PRPF19: variants seen among roughly 807,000 people sequenced by gnomAD.
PRPF19 encodes pre-mRNA-processing factor 19.
PRPF19 carries 2 observed loss-of-function variants against 64.2 expected under a neutral mutation model. The observed-to-expected ratio is 0.03, with a 90% confidence interval of 0.01 to 0.10. The LOEUF (loss-of-function observed/expected upper bound fraction) is 0.10. Ranked by LOEUF, PRPF19 falls within the 10% of genes least tolerant of loss-of-function variation. The probability of loss-of-function intolerance (pLI) is 1.00; values close to 1 mark genes in which losing one functional copy is unlikely to be tolerated. For synonymous variants in PRPF19, 226 were observed against 251.6 expected (o/e 0.90, Z 0.96); for missense variants, 314 against 650.0 (o/e 0.48, Z 5.62).
intron 1 of PRPF19, among the ~76,000 whole-genome samples, chr11:60,904,777 T>G: frequency 6.6e-6 from 1 of 152,236 alleles, no homozygotes. Context: ...CTTTGAATCC[T>G]GTCCTTTTGT....
In PRPF19 at chr11:60,902,602, C is replaced by T. The variant is rs1314123116; in HGVS notation, c.443G>A (p.Ser148Asn). 1.9e-6 allele frequency: 3 copies of T among 1,614,078 alleles called. No homozygotes were observed. The Admixed American group carries it at 5.0e-5, about 27-fold the overall frequency. Residue 148 changes from serine (S) to asparagine (N), a missense_variant, in exon 5 of 16, where the codon AGT (serine) becomes AAT (asparagine). Transcript: ENST00000227524. The surrounding 1 kb of genome is among the most constrained non-coding windows in gnomAD (Gnocchi z 5.0). ...ACTTACCACAACACTTGGTTGGGAACTTGGCACAGCCTGGGGCACAATGAG... is the reference window on the plus strand; with the variant it reads ...ACTTACCACAACACTTGGTTGGGAATTTGGCACAGCCTGGGGCACAATGAG... ...AGLIVPQAVP[S>N]SQPSVVGAGE...
intron 15 of PRPF19, among the ~76,000 whole-genome samples, chr11:60,896,992 AG>A (rs1855929358): frequency 6.6e-6 from 1 of 152,236 alleles, no homozygotes; most frequent in Admixed American, 6.5e-5. Flanking sequence ...TTATTACTGA[AG>A]AAAAAGTTTT....
In PRPF19 at chr11:60,890,692, T is replaced by C. The variant is rs1437094686; in HGVS notation, c.*474A>G. On this transcript the variant is annotated 3_prime_UTR_variant, in exon 16 of 16. Coordinates refer to ENST00000227524, the MANE Select transcript of PRPF19 (RefSeq NM_014502.5). ...TCCCCTTGACCTTCCCAGTCCCAGG[T>C]GCTCCTGGTGCAGACAGACACGGGG... is the stretch of plus-strand genomic sequence containing the variant. 3 of 454,062 alleles carry C rather than the reference T, an allele frequency of 6.6e-6. No homozygotes were observed. Among genetic ancestry groups the C allele is most frequent in the African/African-American group, 2.0e-5 (1 of 49,796 alleles). The allele number at this position is 454,062 out of a possible 1,614,324, so 28.1% of individuals were successfully genotyped here. A position where few individuals can be genotyped will look rare whatever the true frequency, so the allele number is the denominator to read the frequency against.
chr11:60,897,714 G>T (rs1010021296), intron 15 of PRPF19, 132 bp downstream of exon 15: 12 of 713,930 alleles, frequency 1.7e-5, no homozygotes, highest in Non-Finnish European at 2.8e-5. Flanking sequence ...TAGTCATAAA[G>T]CTCTGCCTCA....
rs763637165 is a variant in PRPF19, at chr11:60,906,402, G to A, written c.-20C>T. Reference sequence around the variant, plus strand: ...GGACATGGCGCCGTCACCGTGCTCCGAGGCGCCACACGCCGGGCTCCGGGA... The same window carrying A: ...GGACATGGCGCCGTCACCGTGCTCCAAGGCGCCACACGCCGGGCTCCGGGA... On this transcript the variant is annotated 5_prime_UTR_variant, in exon 1 of 16. Transcript: ENST00000227524. The A allele has an allele frequency of 1.1e-5, 17 of 1,569,622 alleles. No homozygotes were observed. Among genetic ancestry groups the A allele is most frequent in the Non-Finnish European group, 1.4e-5 (16 of 1,160,408 alleles).
chr11:60,900,567 A>T lies in PRPF19; in HGVS notation c.828+15T>A. 1.3e-6 allele frequency: 2 copies of T among 1,527,170 alleles called. No individual in the cohort carries two copies. Among genetic ancestry groups the T allele is most frequent in the Non-Finnish European group, 1.8e-6 (2 of 1,125,304 alleles). The allele number at this position is 1,527,170 out of a possible 1,614,324, so 94.6% of individuals were successfully genotyped here. A position where few individuals can be genotyped will look rare whatever the true frequency, so the allele number is the denominator to read the frequency against. On this transcript the variant is annotated intron_variant, in intron 10 of 15. Transcript: ENST00000227524. ...AAGGAAAGAAGAACCAAGGGTGGCG[A>T]GGAGAACCCCTTACCTGGGAAGGGT...
intron 15 of PRPF19, among the ~76,000 whole-genome samples, chr11:60,895,998 A>C (rs1354950779): frequency 6.6e-6 from 1 of 152,230 alleles, no homozygotes; most frequent in Non-Finnish European, 1.5e-5. Flanking sequence ...TAAATCATGA[A>C]GAAGTTTGAA....
rs1374308118 is a variant in PRPF19 at position 60,899,110 on chromosome 11, G to A, written c.984+39C>T. The A allele has an allele frequency of 5.7e-6, 9 of 1,587,366 alleles. No homozygotes were observed. In the African/African-American group the frequency reaches 1.2e-4, roughly 21 times the overall value. ...GCCACCCAGGATGTTCAAGCTTGGG[G>A]ACCAGCAGGCCTCTCCAGGGCACTG... On this transcript the variant is annotated intron_variant, in intron 11 of 15. Transcript: ENST00000227524.
intron 15 of PRPF19, among the ~76,000 whole-genome samples, chr11:60,892,430 C>T (rs908492550): frequency 3.9e-5 from 6 of 152,182 alleles, no homozygotes; most frequent in African/African-American, 7.2e-5. Flanking sequence ...TGCCAGACAC[C>T]GTTCTGACCT....
At chr11:60,897,824 G>A (rs1209385919) in intron 15 of PRPF19, 22 bp downstream of exon 15, 1 of 1,604,868 alleles carries the variant, frequency 6.2e-7, no homozygotes, top group Non-Finnish European at 8.5e-7. Flanking sequence ...AGAGATCCCA[G>A]GAGCCCAGGA....
chr11:60,901,201 C>A, intron 8 of PRPF19, 94 bp downstream of exon 8: 2 of 1,347,530 alleles, frequency 1.5e-6, no homozygotes, highest in Admixed American at 3.9e-5. Flanking sequence ...GAACCTGGGA[C>A]AGCTCTGCAC....
Position 60,893,585 on chromosome 11 carries a change from C to T in PRPF19, c.1418-2322G>A, listed in dbSNP as rs183264479. Among the ~76,000 whole-genome samples the T allele has an allele frequency of 9.9e-5, 15 of 151,980 alleles. No homozygotes were observed. In the East Asian group the frequency reaches 2.9e-3, roughly 30 times the overall value. On this transcript the variant is annotated intron_variant, in intron 15 of 15. Transcript: ENST00000227524. ...ACATATCTCAGGGACATCGCTGGTT[C>T]AGCTCCAGGCTACCAATAAAGCAAA...
chr11:60,904,670 G>C (rs1308240262), intron 1 of PRPF19, among the ~76,000 whole-genome samples: 1 of 152,182 alleles, frequency 6.6e-6, no homozygotes, highest in Non-Finnish European at 1.5e-5. Flanking sequence ...ATGAAGAGGA[G>C]CATAGGATGA....
chr11:60,898,043 AAAT>A lies in PRPF19; in HGVS notation c.1311+55_1311+57del. The A allele has an allele frequency of 1.2e-6, 2 of 1,606,924 alleles. No homozygotes were observed. The highest frequency in any genetic ancestry group is 1.7e-6 in the Non-Finnish European group (2 of 1,175,058). On this transcript the variant is annotated intron_variant, in intron 14 of 15. Transcript: ENST00000227524. The surrounding 1 kb of genome is among the most constrained non-coding windows in gnomAD (Gnocchi z 4.6). ...GCAGAAGCAATTAGATTAATTCAATAAATAATTGACAAACAAGGAGACACAATG... is the reference window on the plus strand; with the variant it reads ...GCAGAAGCAATTAGATTAATTCAATAAATTGACAAACAAGGAGACACAATG...
chr11:60,899,258 G>C lies in PRPF19; in HGVS notation c.875C>G (p.Ser292Trp). 1 of 1,613,324 alleles carries C rather than the reference G, an allele frequency of 6.2e-7. No individual in the cohort carries two copies. Among genetic ancestry groups the C allele is most frequent in the Non-Finnish European group, 8.5e-7 (1 of 1,179,220 alleles). Reference sequence around the variant, plus strand: ...CTGTACACAAGAGGCATTGGGGACCGACCAAATCCTGATAGTGGCATCGGG... The same window carrying C: ...CTGTACACAAGAGGCATTGGGGACCCACCAAATCCTGATAGTGGCATCGGG... The part of the protein sequence containing the change: ...ASPDATIRIW[S>W]VPNASCVQVV... The change falls in exon 11 of 16, where the codon TCG (serine) becomes TGG (tryptophan). Residue 292 changes from serine (S) to tryptophan (W), a missense_variant. This residue lies in a region of PRPF19 where 175 missense variants were observed against 342.9 expected (regional missense o/e 0.51). Coordinates refer to ENST00000227524, the MANE Select transcript of PRPF19 (RefSeq NM_014502.5).
rs773510292 is a variant in PRPF19 at position 60,891,283 on chromosome 11, G to A, written c.1418-20C>T. On this transcript the variant is annotated intron_variant, in intron 15 of 15. Coordinates refer to ENST00000227524, the MANE Select transcript of PRPF19 (RefSeq NM_014502.5). Reference sequence around the variant, plus strand: ...TATGCTCTGAGGAGAAAGATAAGAGGCAACTGTGAGAAGGCTTTTCCTCCT... The same window carrying A: ...TATGCTCTGAGGAGAAAGATAAGAGACAACTGTGAGAAGGCTTTTCCTCCT... 3.2e-6 allele frequency: 5 copies of A among 1,585,158 alleles called. No homozygotes were observed. In the African/African-American group the frequency reaches 5.4e-5, roughly 17 times the overall value.
rs559556880 is a variant in PRPF19 at position 60,890,884 on chromosome 11, T to C, written c.*282A>G. The C allele has an allele frequency of 1.9e-4, 103 of 555,244 alleles. No individual in the cohort carries two copies. The highest frequency in any genetic ancestry group is 1.2e-3 in the South Asian group (80 of 65,502). The allele number at this position is 555,244 out of a possible 1,614,324, so 34.4% of individuals were successfully genotyped here. A position where few individuals can be genotyped will look rare whatever the true frequency, so the allele number is the denominator to read the frequency against. ...TGTGGAACAGCCACCACCACGTCCA[T>C]TGAACGACAGGAAGGGAGAGGCCCT... On this transcript the variant is annotated 3_prime_UTR_variant, in exon 16 of 16. Coordinates refer to ENST00000227524, the MANE Select transcript of PRPF19 (RefSeq NM_014502.5).
intron 15 of PRPF19, among the ~76,000 whole-genome samples, chr11:60,895,118 G>A (rs911850263): frequency 6.6e-6 from 1 of 152,120 alleles, no homozygotes; most frequent in Non-Finnish European, 1.5e-5. Flanking sequence ...CCCTAACAAG[G>A]GAATCACTCT....
Position 60,902,637 on chromosome 11 carries a change from T to A in PRPF19, c.408A>T (p.Pro136=). Residue 136 remains proline, a synonymous_variant, in exon 5 of 16, where the codon CCA becomes CCT. Coordinates refer to ENST00000227524, the MANE Select transcript of PRPF19 (RefSeq NM_014502.5). The surrounding 1 kb of genome is among the most constrained non-coding windows in gnomAD (Gnocchi z 5.0). ...CCTGGGGCACAATGAGGCCAGCCTGTGGTTTCAGGGTAGCCAGAGCTGAGA... is the reference window on the plus strand; with the variant it reads ...CCTGGGGCACAATGAGGCCAGCCTGAGGTTTCAGGGTAGCCAGAGCTGAGA... ...AAREALATLK[P]QAGLIVPQAV... The A allele has an allele frequency of 6.2e-7, 1 of 1,614,132 alleles. No individual in the cohort carries two copies. Among genetic ancestry groups the A allele is most frequent in the Non-Finnish European group, 8.5e-7 (1 of 1,179,998 alleles).
Sources: gnomAD v4.1 joint callset for allele counts (sites outside exome capture counted in the v4.1 genomes callset) on GRCh38, gnomAD v4.1.1 for gene constraint, gnomAD v4.1.1 regional missense constraint, Gnocchi (gnomAD v3.1) non-coding constraint, MANE v1.5 for transcripts, NCBI Gene and HGNC (gene_info 2026-07-23, HGNC 2026-07-21) for gene names.